UNC80: variants seen among roughly 807,000 people sequenced by gnomAD.
The protein encoded by UNC80 is unc-80 subunit of NALCN channel complex, also known as protein unc-80 homolog.
In UNC80, 164 loss-of-function variants were observed where a neutral mutation model predicts 384.6. The observed-to-expected ratio is 0.43, with a 90% confidence interval of 0.38 to 0.49. The LOEUF (loss-of-function observed/expected upper bound fraction) is 0.49. Ranked by LOEUF, UNC80 falls within the 20% of genes least tolerant of loss-of-function variation. UNC80 has a pLI of 0.00. For missense variants in UNC80, 3,330 were observed against 4,143.0 expected (o/e 0.80, Z 5.39); for synonymous variants, 1,486 against 1,527.8 (o/e 0.97, Z 0.64).
intron 6 of UNC80, among the ~76,000 whole-genome samples, chr2:209,791,948 G>A (rs2077836806): frequency 6.8e-6 from 1 of 148,042 alleles, no homozygotes; most frequent in South Asian, 2.3e-4. Flanking sequence ...TTGAACACTT[G>A]AAATACAGCT....
intron 29 of UNC80, among the ~76,000 whole-genome samples, chr2:209,907,489 C>G (rs1344456018): frequency 1.3e-5 from 2 of 152,064 alleles, no homozygotes; most frequent in Admixed American, 1.3e-4. Flanking sequence ...AAAAGACAGC[C>G]TTTCCAATAA....
At chr2:209,804,540 G>T (rs2078766411) in intron 7 of UNC80, among the ~76,000 whole-genome samples, 1 of 151,908 alleles carries the variant, frequency 6.6e-6, no homozygotes, top group South Asian at 2.1e-4. Context: ...TTAAAACTTT[G>T]TGGGTTCACT....
chr2:209,780,350 T>C (rs2077088883), intron 4 of UNC80, among the ~76,000 whole-genome samples: 2 of 152,352 alleles, frequency 1.3e-5, no homozygotes, highest in South Asian at 2.1e-4. Flanking sequence ...ATATTATCAT[T>C]ATAGTTTAAT....
chr2:209,852,128 G>C (rs1165593552), intron 22 of UNC80, among the ~76,000 whole-genome samples: 1 of 152,016 alleles, frequency 6.6e-6, no homozygotes, highest in Non-Finnish European at 1.5e-5. Context: ...TGGAAGTAAT[G>C]AGGTCTTTGC....
chr2:209,884,668 C>T (rs757382627), intron 25 of UNC80, among the ~76,000 whole-genome samples: 1 of 152,062 alleles, frequency 6.6e-6, no homozygotes, highest in Non-Finnish European at 1.5e-5. Context: ...CAATAATAGA[C>T]TGGATAAAGA....
chr2:209,995,520 A>ACTAT lies in UNC80; in HGVS notation c.9904_9907dup (p.Ser3303IlefsTer2), dbSNP rs1017428323. On this transcript the variant is annotated frameshift_variant, in exon 65 of 65. Coordinates refer to ENST00000673920, the MANE Select transcript of UNC80 (RefSeq NM_001371986.1). LOFTEE classifies it high-confidence loss of function. ...AGGAAAATGGCATGGAGAACCCGCT[A>ACTAT]CTATCTAGTCAGTTCACCTTTACTC... 1.9e-6 allele frequency: 3 copies of ACTAT among 1,551,808 alleles called. No individual in the cohort carries two copies. In the African/African-American group the frequency reaches 4.1e-5, roughly 21 times the overall value.
chr2:209,884,647 C>G (rs537772807), intron 25 of UNC80, among the ~76,000 whole-genome samples: 4 of 152,186 alleles, frequency 2.6e-5, no homozygotes, highest in Admixed American at 1.3e-4. Flanking sequence ...GGAATCAACC[C>G]AAATACCCAT....
chr2:209,978,548 C>T lies in UNC80; in HGVS notation c.8958C>T (p.Ser2986=). Residue 2986 remains serine (S), a synonymous_variant, in exon 59 of 65, where the codon TCC becomes TCT. Coordinates refer to ENST00000673920, the MANE Select transcript of UNC80 (RefSeq NM_001371986.1). ...HSGSAYQGKT[S]ISTVGTSTSA... ...CTCTAGCCTACCAAGGCAAGACATC[C>T]ATCAGTACCGTGGGCACCTCCACCT... 1 of 1,549,570 alleles carries T rather than the reference C, an allele frequency of 6.5e-7. No individual in the cohort carries two copies. The highest frequency in any genetic ancestry group is 8.7e-7 in the Non-Finnish European group (1 of 1,145,418).
intron 7 of UNC80, among the ~76,000 whole-genome samples, chr2:209,805,679 G>A (rs557118692): frequency 3.9e-5 from 6 of 152,322 alleles, no homozygotes; most frequent in Non-Finnish European, 7.4e-5. Flanking sequence ...AAGAAAGGGA[G>A]CATCAAAAAT....
At chr2:209,869,183 T>C (rs1432526735) in intron 22 of UNC80, 1 of 152,198 alleles carries the variant, frequency 6.6e-6, no homozygotes, top group East Asian at 1.9e-4. Flanking sequence ...CTATCCATTA[T>C]GTCATGCCTC....
chr2:209,837,272 A>T lies in UNC80; in HGVS notation c.3042-1950A>T, dbSNP rs537992793. 1.8e-4 allele frequency among the ~76,000 whole-genome samples: 28 copies of T among 152,188 alleles called. 1 individual carries two copies. Among genetic ancestry groups the T allele is most frequent in the Non-Finnish European group, 3.5e-4 (24 of 68,032 alleles). ...AGCAAATCAATAGCTAAAACCCCAT[A>T]AATAAGTTTCATCAAATATTATGTA... On this transcript the variant is annotated intron_variant, in intron 18 of 64. Coordinates refer to ENST00000673920, the MANE Select transcript of UNC80 (RefSeq NM_001371986.1).
intron 22 of UNC80, among the ~76,000 whole-genome samples, chr2:209,856,520 A>G (rs1013087165): frequency 1.3e-5 from 2 of 152,008 alleles, no homozygotes; most frequent in Non-Finnish European, 2.9e-5. Flanking sequence ...AGACATTCTT[A>G]TATTTTTCTC....
chr2:209,877,868 G>T, intron 23 of UNC80, 86 bp from the exon 24 acceptor site: 1 of 1,331,432 alleles, frequency 7.5e-7, no homozygotes. Context: ...CTCATTAATT[G>T]GTTGCTTATG....
Position 209,945,092 on chromosome 2 carries a change from G to T in UNC80, c.7092G>T (p.Gln2364His). Residue 2364 changes from glutamine (Q) to histidine (H), a missense_variant, in exon 46 of 65, where the codon CAG (glutamine) becomes CAT (histidine). Around this residue, in one of 8 missense-constraint regions of UNC80, gnomAD observed 1,049 missense variants for 1,488.6 expected, o/e 0.70. Coordinates refer to ENST00000673920, the MANE Select transcript of UNC80 (RefSeq NM_001371986.1). ...NNGPSKGVSA[Q>H]CLFDLLQSLE... ...GGCCCAGCAAAGGTGTGTCAGCTCA[G>T]TGCCTGTTTGACTTGCTGCAGTCCC... The T allele has an allele frequency of 3.2e-6, 5 of 1,551,744 alleles. No homozygotes were observed. The highest frequency in any genetic ancestry group is 4.4e-6 in the Non-Finnish European group (5 of 1,146,926).
At chr2:209,796,057 G>T (rs1458279528) in intron 7 of UNC80, 1 of 152,240 alleles carries the variant, frequency 6.6e-6, no homozygotes, top group Non-Finnish European at 1.5e-5. Context: ...ACACCAGCCT[G>T]TGAAAGCAGC....
chr2:209,888,241 A>C lies in UNC80; in HGVS notation c.4257A>C (p.Ala1419=). Residue 1419 remains alanine, a synonymous_variant, in exon 26 of 65, where the codon GCA becomes GCC. Transcript: ENST00000673920. ...HSSSHTLKSD[A]GVEEKKVPSR... ...GCAGCCACACTCTCAAATCAGATGC[A>C]GGAGTCGAGGAGAAGAAAGGTATGG... is the stretch of plus-strand genomic sequence containing the variant. 1 of 1,551,732 alleles carries C rather than the reference A, an allele frequency of 6.4e-7. No homozygotes were observed. Among genetic ancestry groups the C allele is most frequent in the Admixed American group, 2.0e-5 (1 of 51,016 alleles).
intron 61 of UNC80, among the ~76,000 whole-genome samples, chr2:209,989,757 G>A (rs1559449874): frequency 6.6e-6 from 1 of 152,154 alleles, no homozygotes; most frequent in Admixed American, 6.5e-5. Context: ...ATTACATGAT[G>A]TGGAGAGAAG....
At chr2:209,844,476 T>TTTCCCTCC (rs2082015446) in intron 21 of UNC80, among the ~76,000 whole-genome samples, 1 of 69,448 alleles carries the variant, frequency 1.4e-5, no homozygotes, top group Non-Finnish European at 3.1e-5. Context: ...TCTTTCTTTC[T>TTTCCCTCC]TTCCTTCCTT....
At chr2:209,984,934 T>C in intron 61 of UNC80, 22 bp downstream of exon 61, 2 of 1,544,960 alleles carry the variant, frequency 1.3e-6, no homozygotes, top group Non-Finnish European at 1.7e-6. Flanking sequence ...ATGCTACCTG[T>C]CTATTGGTGT....
Sources: gnomAD v4.1 joint callset for allele counts (sites outside exome capture counted in the v4.1 genomes callset) on GRCh38, gnomAD v4.1.1 for gene constraint, gnomAD v4.1.1 regional missense constraint, MANE v1.5 for transcripts, NCBI Gene and HGNC (gene_info 2026-07-23, HGNC 2026-07-21) for gene names.